Variants in ELAPOR2 observed in about 807,000 individuals in gnomAD.
The protein encoded by ELAPOR2 is endosome/lysosome-associated apoptosis and autophagy regulator family member 2.
A neutral mutation model predicts 120.7 loss-of-function variants in ELAPOR2; 89 were observed. The ratio of observed to expected loss-of-function variants is 0.74; its 90% CI spans 0.62 to 0.88. ELAPOR2 has a LOEUF of 0.88. Ranked by LOEUF, ELAPOR2 falls within the 40% of genes least tolerant of loss-of-function variation. ELAPOR2 has a pLI of 0.00. For missense variants in ELAPOR2, 1,134 were observed against 1,251.6 expected (o/e 0.91, Z 1.42); for synonymous variants, 444 against 444.9 (o/e 1.00, Z 0.03).
chr7:87,028,664 T>A (rs928409395), intron 1 of ELAPOR2, among the ~76,000 whole-genome samples: 2 of 152,180 alleles, frequency 1.3e-5, no homozygotes, highest in African/African-American at 4.8e-5. Flanking sequence ...GTTACCCACA[T>A]CTCTGGCAGT....
intron 1 of ELAPOR2, among the ~76,000 whole-genome samples, chr7:87,015,291 C>A (rs1311753619): frequency 6.6e-6 from 1 of 152,148 alleles, no homozygotes; most frequent in Non-Finnish European, 1.5e-5. Flanking sequence ...TTGTGAACTG[C>A]AACACTGTCT....
intron 1 of ELAPOR2, among the ~76,000 whole-genome samples, chr7:86,996,953 T>C (rs1793144730): frequency 1.3e-5 from 2 of 152,214 alleles, no homozygotes; most frequent in African/African-American, 2.4e-5. Context: ...CAATGTTAAG[T>C]ATGAAACTAA....
chr7:86,883,856 T>C (rs1006293373), intron 21 of ELAPOR2, among the ~76,000 whole-genome samples: 8 of 152,270 alleles, frequency 5.3e-5, no homozygotes, highest in African/African-American at 1.9e-4. Context: ...ATTCATTAAA[T>C]TGTATATTTG....
rs200617646 is a variant in ELAPOR2 at position 86,897,474 on chromosome 7, C to A, written c.2685+32G>T. 2,300 of 1,602,028 alleles carry A rather than the reference C, an allele frequency of 1.4e-3. 27 individuals carry two copies. In the Middle Eastern group the frequency reaches 0.029, roughly 21 times the overall value. On this transcript the variant is annotated intron_variant, in intron 19 of 21. Coordinates refer to ENST00000450689, the MANE Select transcript of ELAPOR2 (RefSeq NM_001142749.3). ...GATGCCAGATTAACCAACTATAATGCCGAAGCTCTGCCTTGAGAGTTTATC... is the reference window on the plus strand; with the variant it reads ...GATGCCAGATTAACCAACTATAATGACGAAGCTCTGCCTTGAGAGTTTATC...
At chr7:86,895,134 C>CA (rs1441040200) in intron 19 of ELAPOR2, among the ~76,000 whole-genome samples, 2 of 152,062 alleles carry the variant, frequency 1.3e-5, no homozygotes, top group African/African-American at 4.8e-5. Context: ...TAAATATACC[C>CA]ATTGCAATAT....
chr7:86,980,627 T>C (rs1792435448), intron 1 of ELAPOR2, among the ~76,000 whole-genome samples: 1 of 152,034 alleles, frequency 6.6e-6, no homozygotes, highest in Non-Finnish European at 1.5e-5. Context: ...TTGTCTCCCA[T>C]CTTCTGTTTG....
chr7:86,945,660 A>G (rs937281403), intron 3 of ELAPOR2, among the ~76,000 whole-genome samples: 12 of 152,220 alleles, frequency 7.9e-5, no homozygotes, highest in Admixed American at 2.0e-4. Flanking sequence ...TATAGATGTA[A>G]CTATGCTGTT....
chr7:86,899,159 G>GT (rs1788595848), intron 18 of ELAPOR2, among the ~76,000 whole-genome samples: 1 of 152,146 alleles, frequency 6.6e-6, no homozygotes, highest in Non-Finnish European at 1.5e-5. Context: ...TTTCTAGCGG[G>GT]TGTGCCCATT....
chr7:86,995,578 G>GT (rs1244277249), intron 1 of ELAPOR2, among the ~76,000 whole-genome samples: 1 of 152,142 alleles, frequency 6.6e-6, no homozygotes, highest in Non-Finnish European at 1.5e-5. Flanking sequence ...CAATAACAAC[G>GT]TAAGACCTGG....
chr7:86,966,765 G>A (rs775543992), intron 1 of ELAPOR2, among the ~76,000 whole-genome samples: 3 of 152,110 alleles, frequency 2.0e-5, no homozygotes, highest in East Asian at 1.9e-4. Context: ...TCAAGGTATC[G>A]CCAGGCCACA....
chr7:86,977,118 T>C (rs1376955310), intron 1 of ELAPOR2, among the ~76,000 whole-genome samples: 2 of 152,216 alleles, frequency 1.3e-5, no homozygotes, highest in Non-Finnish European at 2.9e-5. Context: ...GTGGTGATGA[T>C]AGCTGCCACT....
chr7:86,900,976 C>T (rs1450034514), intron 18 of ELAPOR2, among the ~76,000 whole-genome samples: 2 of 152,196 alleles, frequency 1.3e-5, no homozygotes, highest in African/African-American at 2.4e-5. Context: ...TCATCTCCAG[C>T]CACCTCCCCC....
intron 15 of ELAPOR2, 91 bp downstream of exon 15, chr7:86,911,981 A>G: frequency 8.0e-7 from 1 of 1,254,570 alleles, no homozygotes; most frequent in Non-Finnish European, 1.1e-6. Context: ...GTTGATATCC[A>G]TAGAGAATTT....
chr7:86,887,586 G>A (rs965057526), intron 21 of ELAPOR2, among the ~76,000 whole-genome samples: 1 of 152,080 alleles, frequency 6.6e-6, no homozygotes, highest in African/African-American at 2.4e-5. Context: ...ACCATTTGCT[G>A]TCTGACAATA....
intron 1 of ELAPOR2, among the ~76,000 whole-genome samples, chr7:87,052,776 CTTTTGTTTTGTTTTG>C (rs77194595): frequency 3.4e-5 from 5 of 146,994 alleles, no homozygotes; most frequent in African/African-American, 7.9e-5. Flanking sequence ...GGTTTGTTTT[CTTTTGTTTTGTTTTG>C]TTTTGTTTTG....
At chr7:87,001,770 A>G (rs1303179823) in intron 1 of ELAPOR2, among the ~76,000 whole-genome samples, 3 of 152,208 alleles carry the variant, frequency 2.0e-5, no homozygotes, top group African/African-American at 7.2e-5. Context: ...AGAACAGCAG[A>G]GGATCATATC....
intron 1 of ELAPOR2, among the ~76,000 whole-genome samples, chr7:86,967,860 A>C (rs1008161990): frequency 6.6e-6 from 1 of 152,230 alleles, no homozygotes; most frequent in Non-Finnish European, 1.5e-5. Context: ...GTTCAGCAGG[A>C]AGCTTTAATT....
At position 86,947,738 on chromosome 7, in the gene ELAPOR2, G is replaced by A. The variant is rs991628300; in HGVS notation, c.495C>T (p.Asp165=). 4.1e-5 allele frequency: 63 copies of A among 1,551,068 alleles called. No individual in the cohort carries two copies. Among genetic ancestry groups the A allele is most frequent in the East Asian group, 1.5e-4 (6 of 40,920 alleles). Residue 165 remains aspartate, a synonymous_variant, in exon 3 of 22, where the codon GAC becomes GAT. Coordinates refer to ENST00000450689, the MANE Select transcript of ELAPOR2 (RefSeq NM_001142749.3). ...TVVGPSDSRP[D]GCNNSSWIPR... ...CTTTGGATTCTTACTTGTTACAGCC[G>A]TCTGGCCTGCTGTCAGAAGGGCCCA...
At chr7:86,909,788 AT>A in intron 16 of ELAPOR2, 23 bp downstream of exon 16, 1 of 1,565,500 alleles carries the variant, frequency 6.4e-7, no homozygotes, top group African/African-American at 1.4e-5. Context: ...GTATGCATGC[AT>A]ATATGAACCA....
Sources: allele counts gnomAD v4.1 joint callset (sites outside exome capture counted in the v4.1 genomes callset), GRCh38; gene constraint gnomAD v4.1.1; transcripts MANE v1.5; gene names NCBI Gene and HGNC (gene_info 2026-07-23, HGNC 2026-07-21).